EPM2A: variants seen among roughly 807,000 people sequenced by gnomAD.
EPM2A encodes EPM2A glucan phosphatase, laforin, also known as laforin.
In EPM2A, 21 loss-of-function variants were observed where a neutral mutation model predicts 26.5. The observed-to-expected ratio is 0.79, with a 90% CI of 0.56 to 1.14. The LOEUF is 1.14. Among genes scored for constraint, EPM2A ranks in the 50% most tolerant of loss-of-function variants. EPM2A has a pLI of 0.00. For missense variants in EPM2A, 458 were observed against 440.8 expected, an observed-to-expected ratio of 1.04 and a Z score of -0.35; for synonymous variants, 217 against 177.6, an observed-to-expected ratio of 1.22 and a Z score of -1.76.
intron 2 of EPM2A, among the ~76,000 whole-genome samples, chr6:145,573,676 C>T (rs1487628657): frequency 1.3e-5 from 2 of 152,190 alleles, no homozygotes; most frequent in African/African-American, 2.4e-5. Flanking sequence ...TTCCATTTGG[C>T]CTTTCCCACC....
rs1032265598 is a variant in EPM2A, at chr6:145,716,505, C to T, written c.301+18693G>A. Among the ~76,000 whole-genome samples the T allele has an allele frequency of 5.3e-5, 8 of 152,086 alleles. 1 individual carries two copies. The highest frequency in any genetic ancestry group is 2.1e-4 in the South Asian group (1 of 4,822). Reference sequence around the variant, plus strand: ...AGAAAAAATATCAGTAGAGACTGCTCGAGGTAAGCCATGCAGCAAGAGAGG... The same window carrying T: ...AGAAAAAATATCAGTAGAGACTGCTTGAGGTAAGCCATGCAGCAAGAGAGG... On this transcript the variant is annotated intron_variant, in intron 1 of 3. Transcript: ENST00000367519.
At chr6:145,388,834 G>T (rs1778298644) in intron 4 of EPM2A, among the ~76,000 whole-genome samples, 1 of 152,118 alleles carries the variant, frequency 6.6e-6, no homozygotes, top group Non-Finnish European at 1.5e-5. Context: ...CCCTGCAAAG[G>T]ACATGAATTC....
chr6:145,718,537 A>G (rs925210637), intron 1 of EPM2A, among the ~76,000 whole-genome samples: 3 of 152,298 alleles, frequency 2.0e-5, no homozygotes, highest in Non-Finnish European at 4.4e-5. Flanking sequence ...CCTAGGCATT[A>G]CCATTCAGGA....
downstream of EPM2A, among the ~76,000 whole-genome samples, chr6:145,500,042 A>C (rs1236231648): frequency 2.6e-5 from 4 of 152,146 alleles, no homozygotes; most frequent in Admixed American, 2.0e-4. Context: ...ATTTGAACTC[A>C]GAAAAATTAT....
intron 2 of EPM2A, among the ~76,000 whole-genome samples, chr6:145,558,912 C>T (rs1260680113): frequency 1.2e-4 from 18 of 152,014 alleles, no homozygotes; most frequent in Non-Finnish European, 1.5e-4. Context: ...CTCTATTATG[C>T]TTTTATAAGG....
rs142828328 is a variant in EPM2A, at chr6:145,389,393, T to C, written c.556-5296A>G. 3.2e-3 allele frequency among the ~76,000 whole-genome samples: 486 copies of C among 152,184 alleles called. 9 individuals are homozygous for C. The East Asian group carries it at 0.057, about 18-fold the overall frequency. The stretch of plus-strand genomic sequence containing the variant: ...TTTTAGTAGAGACGGGGTTTCACCA[T>C]GTTGGCCAGGCTGGTCTTGAATTCC... On this transcript the variant is annotated intron_variant, in intron 4 of 4. Coordinates refer to the EPM2A transcript ENST00000638717.
intron 4 of EPM2A, among the ~76,000 whole-genome samples, chr6:145,401,599 A>C (rs1317480619): frequency 6.6e-6 from 1 of 152,162 alleles, no homozygotes; most frequent in Non-Finnish European, 1.5e-5. Flanking sequence ...CTGACATTAC[A>C]CAGTGAGGAA....
At chr6:145,548,266 G>T (rs541428608) in intron 2 of EPM2A, among the ~76,000 whole-genome samples, 1 of 152,194 alleles carries the variant, frequency 6.6e-6, no homozygotes, top group East Asian at 1.9e-4. Flanking sequence ...TTCCAATCAA[G>T]AATTCAGTTT....
intron 2 of EPM2A, among the ~76,000 whole-genome samples, chr6:145,523,256 A>G (rs1780228015): frequency 2.6e-5 from 4 of 152,168 alleles, no homozygotes; most frequent in African/African-American, 7.2e-5. Flanking sequence ...TGTTTTAGTG[A>G]TATGGGTTCA....
At chr6:145,489,693 T>C in intron 4 of EPM2A, 2 of 1,400,960 alleles carry the variant, frequency 1.4e-6, no homozygotes, top group Non-Finnish European at 2.0e-6. Flanking sequence ...CAGAATCCAC[T>C]GTTGGCTTGC....
At chr6:145,540,902 T>C (rs1037370595) in intron 2 of EPM2A, among the ~76,000 whole-genome samples, 1 of 152,192 alleles carries the variant, frequency 6.6e-6, no homozygotes, top group Admixed American at 6.5e-5. Flanking sequence ...GCTAAATCTG[T>C]TCTCATCTCT....
chr6:145,690,639 A>T (rs1781223638), intron 1 of EPM2A, among the ~76,000 whole-genome samples: 1 of 151,916 alleles, frequency 6.6e-6, no homozygotes, highest in African/African-American at 2.4e-5. Context: ...CTAAATGGAA[A>T]AAAAAAAAGA....
chr6:145,668,483 T>A (rs895682618), intron 2 of EPM2A, among the ~76,000 whole-genome samples: 5 of 152,206 alleles, frequency 3.3e-5, no homozygotes, highest in African/African-American at 1.2e-4. Context: ...TAAAATTTGA[T>A]TAATGAAAAT....
intron 2 of EPM2A, among the ~76,000 whole-genome samples, chr6:145,577,269 A>G (rs776196058): frequency 6.6e-6 from 1 of 151,884 alleles, no homozygotes. Context: ...ATTCAATTAT[A>G]TGCTGCCTAG....
At chr6:145,696,296 A>T (rs910845474) in intron 1 of EPM2A, among the ~76,000 whole-genome samples, 8 of 152,180 alleles carry the variant, frequency 5.3e-5, no homozygotes, top group African/African-American at 1.9e-4. Flanking sequence ...GGAAGTTCAT[A>T]ACAATAAATG....
At chr6:145,403,349 AT>A (rs35998741) in intron 4 of EPM2A, among the ~76,000 whole-genome samples, 60,420 of 148,248 alleles carry the variant, frequency 0.41, 12,986 homozygotes, top group East Asian at 0.66. Context: ...CTTTCTAACT[AT>A]TTTTTGTACC....
intron 4 of EPM2A, among the ~76,000 whole-genome samples, chr6:145,459,452 T>C (rs188201669): frequency 1.1e-4 from 16 of 152,348 alleles, no homozygotes; most frequent in Middle Eastern, 3.4e-3. Context: ...TACACTTCCA[T>C]ATTTATTCAT....
intron 2 of EPM2A, among the ~76,000 whole-genome samples, chr6:145,583,574 A>G (rs766100970): frequency 6.6e-6 from 1 of 152,056 alleles, no homozygotes; most frequent in Non-Finnish European, 1.5e-5. Context: ...CAACATTCCA[A>G]TGGCGGGCGG....
chr6:145,402,947 T>A (rs1402585853), intron 4 of EPM2A, among the ~76,000 whole-genome samples: 1 of 152,220 alleles, frequency 6.6e-6, no homozygotes, highest in Admixed American at 6.6e-5. Context: ...TAAATTACTC[T>A]CTTGAGCTGT....
Sources: gnomAD v4.1 joint callset for allele counts (sites outside exome capture counted in the v4.1 genomes callset) on GRCh38, gnomAD v4.1.1 for gene constraint, MANE v1.5 for transcripts, NCBI Gene and HGNC (gene_info 2026-07-23, HGNC 2026-07-21) for gene names.